TNR: variants seen among roughly 807,000 people sequenced by gnomAD.
The protein encoded by TNR is tenascin R.
In TNR, 45 loss-of-function variants were observed where a neutral mutation model predicts 150.4. That is an observed-to-expected ratio of 0.30 (90% CI 0.24 to 0.38). The LOEUF (loss-of-function observed/expected upper bound fraction) is 0.38, where lower values mean the gene tolerates loss of function less well. Ranked by LOEUF, TNR falls within the 10% of genes least tolerant of loss-of-function variation. The probability of loss-of-function intolerance (pLI) is 1.00; values close to 1 mark genes in which losing one functional copy is unlikely to be tolerated. For missense variants in TNR, 1,544 were observed against 1,759.1 expected (o/e 0.88, Z 2.19); for synonymous variants, 687 against 678.4 (o/e 1.01, Z -0.20).
chr1:175,611,204 TTGTGTTCATC>T (rs367621834), intron 1 of TNR, among the ~76,000 whole-genome samples: 190 of 152,354 alleles, frequency 1.2e-3, no homozygotes, highest in African/African-American at 4.4e-3. Flanking sequence ...CACTGGAGGC[TTGTGTTCATC>T]TGGGAATCGC....
chr1:175,508,296 G>T (rs926653188), intron 2 of TNR, among the ~76,000 whole-genome samples: 3 of 152,090 alleles, frequency 2.0e-5, no homozygotes, highest in African/African-American at 7.2e-5. Context: ...TAAATAAATA[G>T]ACTGTGTATC....
chr1:175,702,438 G>A (rs1226925758), intron 1 of TNR, among the ~76,000 whole-genome samples: 1 of 152,224 alleles, frequency 6.6e-6, no homozygotes, highest in Admixed American at 6.5e-5. Flanking sequence ...CCAGCTTCCA[G>A]ACCCACAGAC....
rs377199295 is a variant in TNR, at chr1:175,423,036, C to T, written c.-63-16259G>A. 2.6e-5 allele frequency among the ~76,000 whole-genome samples: 4 copies of T among 152,302 alleles called. No homozygotes were observed. In the East Asian group the frequency reaches 5.8e-4, roughly 22 times the overall value. ...CTGTCTCTCGTGCCACTTCCATTCTCGGGCTTTATGAGCTTGAGCAAGTCG... is the reference window on the plus strand; with the variant it reads ...CTGTCTCTCGTGCCACTTCCATTCTTGGGCTTTATGAGCTTGAGCAAGTCG... On this transcript the variant is annotated intron_variant, in intron 2 of 22. Transcript: ENST00000367674.
At chr1:175,678,817 G>A (rs772156484) in intron 1 of TNR, among the ~76,000 whole-genome samples, 22 of 152,240 alleles carry the variant, frequency 1.4e-4, no homozygotes, top group Non-Finnish European at 2.8e-4. Context: ...CCTGGGGCCT[G>A]TGGCCCTGCC....
chr1:175,584,212 C>T (rs999652436), intron 1 of TNR, among the ~76,000 whole-genome samples: 5 of 152,136 alleles, frequency 3.3e-5, no homozygotes, highest in Non-Finnish European at 7.3e-5. Context: ...TCCAATGTGA[C>T]TGGTGTCCTT....
At chr1:175,604,031 A>G (rs966616919) in intron 1 of TNR, among the ~76,000 whole-genome samples, 2 of 152,158 alleles carry the variant, frequency 1.3e-5, no homozygotes, top group African/African-American at 4.8e-5. Flanking sequence ...ATGAAGACCC[A>G]TCAGACCCTG....
chr1:175,347,015 GA>G (rs1218396156), intron 18 of TNR, among the ~76,000 whole-genome samples: 8 of 151,862 alleles, frequency 5.3e-5, no homozygotes, highest in African/African-American at 1.9e-4. Context: ...GTATACACAA[GA>G]AAAAAATATA....
chr1:175,673,197 G>A (rs775329751), intron 1 of TNR, among the ~76,000 whole-genome samples: 2 of 152,186 alleles, frequency 1.3e-5, no homozygotes, highest in African/African-American at 2.4e-5. Flanking sequence ...AGAATGGGAC[G>A]TTTCTTTCCT....
At chr1:175,677,920 A>G (rs918467685) in intron 1 of TNR, among the ~76,000 whole-genome samples, 1 of 152,092 alleles carries the variant, frequency 6.6e-6, no homozygotes, top group Non-Finnish European at 1.5e-5. Context: ...AGAGAGAGGA[A>G]AGAGAAGCCA....
At chr1:175,469,030 T>G (rs2102114585) in intron 2 of TNR, among the ~76,000 whole-genome samples, 2 of 149,924 alleles carry the variant, frequency 1.3e-5, no homozygotes. Flanking sequence ...GAGGGAGGAG[T>G]CAAAATGACC....
chr1:175,489,501 G>A (rs144769977), intron 2 of TNR, among the ~76,000 whole-genome samples: 11 of 152,332 alleles, frequency 7.2e-5, no homozygotes, highest in Non-Finnish European at 5.9e-5. Flanking sequence ...ATTTCCTTCA[G>A]AAGGGCTAAG....
At chr1:175,711,080 C>T (rs1667000512) in intron 1 of TNR, among the ~76,000 whole-genome samples, 1 of 152,160 alleles carries the variant, frequency 6.6e-6, no homozygotes, top group East Asian at 1.9e-4. Context: ...GGGAGACAAA[C>T]ATCTACCTTC....
intron 2 of TNR, among the ~76,000 whole-genome samples, chr1:175,461,384 G>A (rs1462347323): frequency 6.6e-6 from 1 of 152,134 alleles, no homozygotes; most frequent in Non-Finnish European, 1.5e-5. Context: ...CTCACCTTTA[G>A]ATTTAAGAAA....
intron 2 of TNR, among the ~76,000 whole-genome samples, chr1:175,454,438 C>T (rs1656468669): frequency 6.6e-6 from 1 of 152,092 alleles, no homozygotes; most frequent in Non-Finnish European, 1.5e-5. Flanking sequence ...CCAGCAGAGC[C>T]CTCGGAGTAT....
At chr1:175,469,457 A>G (rs1657180824) in intron 2 of TNR, among the ~76,000 whole-genome samples, 1 of 152,154 alleles carries the variant, frequency 6.6e-6, no homozygotes, top group Non-Finnish European at 1.5e-5. Context: ...GAGAAGGTTC[A>G]GAGAACAAGA....
intron 1 of TNR, among the ~76,000 whole-genome samples, chr1:175,637,721 G>A (rs549042904): frequency 6.6e-6 from 1 of 152,102 alleles, no homozygotes; most frequent in Non-Finnish European, 1.5e-5. Context: ...ACTTCAGTGC[G>A]GCTCCAAGAA....
At chr1:175,547,555 AAGAT>A (rs1263861959) in intron 1 of TNR, among the ~76,000 whole-genome samples, 3 of 148,580 alleles carry the variant, frequency 2.0e-5, no homozygotes, top group Admixed American at 6.8e-5. Context: ...AGGAGAAAGA[AAGAT>A]AGAAGGAAAG....
At chr1:175,459,870 CAAGA>C (rs1656738787) in intron 2 of TNR, among the ~76,000 whole-genome samples, 1 of 78,516 alleles carries the variant, frequency 1.3e-5, no homozygotes, top group Non-Finnish European at 2.5e-5. Flanking sequence ...AATGAAAGAA[CAAGA>C]GAGAGAGAGA....
intron 4 of TNR, among the ~76,000 whole-genome samples, chr1:175,399,135 A>G (rs1653579876): frequency 6.6e-6 from 1 of 152,224 alleles, no homozygotes; most frequent in Non-Finnish European, 1.5e-5. Flanking sequence ...TGTGATCTCT[A>G]GACTGGTGCT....
Sources: gnomAD v4.1 joint callset for allele counts (sites outside exome capture counted in the v4.1 genomes callset) on GRCh38, gnomAD v4.1.1 for gene constraint, MANE v1.5 for transcripts, NCBI Gene and HGNC (gene_info 2026-07-23, HGNC 2026-07-21) for gene names.